HIBCH: variants seen among roughly 807,000 people sequenced by gnomAD.
The protein encoded by HIBCH is 3-hydroxyisobutyryl-CoA hydrolase, mitochondrial.
HIBCH carries 50 observed loss-of-function variants against 58.2 expected under a neutral mutation model. The ratio of observed to expected loss-of-function variants is 0.86; its 90% CI spans 0.68 to 1.09. The LOEUF is 1.09. HIBCH is among the 50% of genes least tolerant of loss of function. The pLI, the probability that HIBCH is intolerant of heterozygous loss-of-function variation, is 0.00. For synonymous variants in HIBCH, 151 were observed against 146.9 expected (o/e 1.03, Z -0.20); for missense variants, 450 against 449.7 (o/e 1.00, Z -0.01).
intron 1 of HIBCH, among the ~76,000 whole-genome samples, chr2:190,312,115 CG>C (rs1162581968): frequency 2.0e-5 from 3 of 152,008 alleles, no homozygotes; most frequent in Non-Finnish European, 4.4e-5. Context: ...AAGACAACAC[CG>C]GGAACGGCAG....
intron 1 of HIBCH, among the ~76,000 whole-genome samples, chr2:190,316,918 T>G (rs291461): frequency 0.56 from 84,571 of 151,994 alleles, 24,276 homozygotes; most frequent in South Asian, 0.61. Flanking sequence ...ACCCTCTTCC[T>G]GTTATTTCTA....
rs1175475362 is a variant in HIBCH, at chr2:190,262,982, C to T, written c.439-1748G>A. On this transcript the variant is annotated intron_variant, in intron 6 of 13. Coordinates refer to ENST00000359678, the MANE Select transcript of HIBCH (RefSeq NM_014362.4). Reference sequence around the variant, plus strand: ...ACTTCACTTGAAGATACTAGGAATACGCTGAACCATTTCGAATGGGGTATA... The same window carrying T: ...ACTTCACTTGAAGATACTAGGAATATGCTGAACCATTTCGAATGGGGTATA... 3.0e-4 allele frequency among the ~76,000 whole-genome samples: 45 copies of T among 152,168 alleles called. 1 individual carries two copies. Among genetic ancestry groups the T allele is most frequent in the East Asian group, 1.9e-4 (1 of 5,200 alleles).
Position 190,205,714 on chromosome 2 carries a change from CTGT to C in HIBCH, c.1046-485_1046-483del, listed in dbSNP as rs149051689. 6.6e-3 allele frequency among the ~76,000 whole-genome samples: 997 copies of C among 152,202 alleles called. 15 individuals carry two copies. Among genetic ancestry groups the C allele is most frequent in the African/African-American group, 0.022 (923 of 41,536 alleles). The stretch of plus-strand genomic sequence containing the variant: ...CTTCATGCATAATTAAATGTGGATA[CTGT>C]TGTTCTGCTGAATCCTCCAGTTCAG... On this transcript the variant is annotated intron_variant, in intron 13 of 13. Transcript: ENST00000359678.
chr2:190,242,683 G>C (rs1686486356), intron 11 of HIBCH, among the ~76,000 whole-genome samples: 1 of 152,180 alleles, frequency 6.6e-6, no homozygotes, highest in Non-Finnish European at 1.5e-5. Context: ...GGAGGAGGTA[G>C]TCATCAATAC....
intron 9 of HIBCH, 143 bp from the exon 10 acceptor site, chr2:190,246,355 C>T (rs935310617): frequency 7.0e-5 from 43 of 612,266 alleles, no homozygotes; most frequent in Admixed American, 4.5e-4. Flanking sequence ...AAATAACTAC[C>T]GCTGTATGAT....
downstream of HIBCH, among the ~76,000 whole-genome samples, chr2:190,198,979 A>G (rs1298960994): frequency 1.3e-5 from 2 of 152,216 alleles, no homozygotes; most frequent in Non-Finnish European, 2.9e-5. Flanking sequence ...GCTTCTGTAC[A>G]ATTTCACAGG....
chr2:190,246,053 A>G, intron 10 of HIBCH, 101 bp downstream of exon 10: 1 of 741,374 alleles, frequency 1.3e-6, no homozygotes, highest in South Asian at 1.5e-5. Context: ...TCAGTGCACT[A>G]TCAAACACAA....
rs925068808 is a variant in HIBCH, at chr2:190,279,829, C to G, written c.438+7757G>C. 4 of 209,906 alleles carry G rather than the reference C, an allele frequency of 1.9e-5. No homozygotes were observed. The highest frequency in any genetic ancestry group is 1.9e-5 in the Non-Finnish European group (2 of 106,542). 13.0% of individuals were successfully genotyped at this position (209,906 alleles called of 1,614,324 possible). A position where few individuals can be genotyped will look rare whatever the true frequency, so the allele number is the denominator to read the frequency against. ...TTCTCAGCATTCCACAAGTTACTTC[C>G]TCCTTCCTTTGTTCTCCTCTGCCTT... On this transcript the variant is annotated intron_variant, in intron 6 of 13. Transcript: ENST00000359678. This position sits in a 1 kb window ranked among gnomAD's most constrained non-coding sequence, Gnocchi z 4.2.
At chr2:190,245,117 G>A (rs1686568956) in intron 10 of HIBCH, 149 bp from the exon 11 acceptor site, 1 of 666,946 alleles carries the variant, frequency 1.5e-6, no homozygotes, top group African/African-American at 1.8e-5. Context: ...AAGAAAGAGA[G>A]CATTGCTTCC....
intron 6 of HIBCH, among the ~76,000 whole-genome samples, chr2:190,274,555 A>G (rs1473885098): frequency 1.3e-5 from 2 of 152,132 alleles, no homozygotes; most frequent in Non-Finnish European, 2.9e-5. Context: ...TCTATTATTC[A>G]TTGTGTGTGG....
intron 1 of HIBCH, among the ~76,000 whole-genome samples, chr2:190,195,276 C>T (rs941914308): frequency 1.3e-5 from 2 of 152,198 alleles, no homozygotes; most frequent in Admixed American, 6.5e-5. Context: ...AATAAAGCTG[C>T]TACAGACATC....
chr2:190,300,749 CT>C (rs1688237044), intron 2 of HIBCH, among the ~76,000 whole-genome samples: 1 of 152,198 alleles, frequency 6.6e-6, no homozygotes, highest in Non-Finnish European at 1.5e-5. Flanking sequence ...AAGAATGATA[CT>C]GCCTAGGTTG....
chr2:190,257,898 G>A (rs972704696), intron 7 of HIBCH, among the ~76,000 whole-genome samples: 2 of 152,202 alleles, frequency 1.3e-5, no homozygotes, highest in African/African-American at 2.4e-5. Flanking sequence ...ACACTGCTGA[G>A]TTGGGAATTA....
rs1686262740 is a variant in HIBCH at position 190,236,003 on chromosome 2, C to T, written c.891+8884G>A. Among the ~76,000 whole-genome samples, 1 of 152,058 alleles carries T rather than the reference C, an allele frequency of 6.6e-6. No homozygotes were observed. The highest frequency in any genetic ancestry group is 1.5e-5 in the Non-Finnish European group (1 of 68,008). On this transcript the variant is annotated intron_variant, in intron 11 of 13. Transcript: ENST00000359678. The surrounding 1 kb of genome is among the most constrained non-coding windows in gnomAD (Gnocchi z 4.1). ...CATATGAAATACTTTGTCATAGGTG[C>T]CAGGAGATAAGGGTTAAGCAAGCTT...
chr2:190,299,998 T>G (rs1688219034), intron 2 of HIBCH, among the ~76,000 whole-genome samples: 5 of 152,144 alleles, frequency 3.3e-5, no homozygotes, highest in South Asian at 2.1e-4. Context: ...GGACATAGTC[T>G]TCTTCTTTTT....
At chr2:190,228,482 A>G (rs966392068) in intron 11 of HIBCH, among the ~76,000 whole-genome samples, 38 of 152,036 alleles carry the variant, frequency 2.5e-4, no homozygotes, top group African/African-American at 9.2e-4. Context: ...GCACAGCAAC[A>G]TGGCACATAT....
rs368635777 is a variant in HIBCH at position 190,208,925 on chromosome 2, T to C, written c.1012-12A>G. The C allele has an allele frequency of 4.3e-6, 7 of 1,612,516 alleles. No individual in the cohort carries two copies. The highest frequency in any genetic ancestry group is 2.7e-5 in the African/African-American group (2 of 74,890). ...AAGTCATGACCTCTCTGAAAGAAAATTGAGATTAAATGGGGATAATTTCTG... is the reference window on the plus strand; with the variant it reads ...AAGTCATGACCTCTCTGAAAGAAAACTGAGATTAAATGGGGATAATTTCTG... On this transcript the variant is annotated splice_polypyrimidine_tract_variant and intron_variant, in intron 12 of 13. Transcript: ENST00000359678.
intron 1 of HIBCH, among the ~76,000 whole-genome samples, chr2:190,312,175 C>A (rs1335864518): frequency 1.3e-5 from 2 of 152,098 alleles, no homozygotes; most frequent in Non-Finnish European, 2.9e-5. Flanking sequence ...GTTTCTCGAT[C>A]CAGGTGCTGG....
chr2:190,288,506 A>G (rs1048642566), intron 5 of HIBCH, among the ~76,000 whole-genome samples: 1 of 150,378 alleles, frequency 6.6e-6, no homozygotes, highest in African/African-American at 2.5e-5. Context: ...GAGTACAACT[A>G]TCTATGTTAG....
Sources: gnomAD v4.1 joint callset for allele counts (sites outside exome capture counted in the v4.1 genomes callset) on GRCh38, gnomAD v4.1.1 for gene constraint, Gnocchi (gnomAD v3.1) non-coding constraint, MANE v1.5 for transcripts, NCBI Gene and HGNC (gene_info 2026-07-23, HGNC 2026-07-21) for gene names.